The following NAALADL2 variants were observed in gnomAD, a reference collection of about 807,000 sequenced individuals.
NAALADL2 encodes the protein N-acetylated alpha-linked acidic dipeptidase like 2.
In NAALADL2, 76 loss-of-function variants were observed where a neutral mutation model predicts 87.2. The ratio of observed to expected loss-of-function variants is 0.87; its 90% CI spans 0.72 to 1.05. The LOEUF (loss-of-function observed/expected upper bound fraction) is 1.05, where lower values mean the gene tolerates loss of function less well. Ranked by LOEUF, NAALADL2 falls within the 50% of genes least tolerant of loss-of-function variation. NAALADL2 has a pLI of 0.00. For missense variants in NAALADL2, 1,089 were observed against 945.8 expected, an observed-to-expected ratio of 1.15 and a Z score of -1.99; for synonymous variants, 354 against 331.0, an observed-to-expected ratio of 1.07 and a Z score of -0.75.
intron 2 of NAALADL2, among the ~76,000 whole-genome samples, chr3:174,602,784 T>A (rs1718588587): frequency 6.6e-6 from 1 of 152,082 alleles, no homozygotes; most frequent in Admixed American, 6.6e-5. Context: ...GCTTTTCTTA[T>A]GTTGAAGTGT....
At chr3:174,937,163 C>CAGTCTCACCAGGGATTAGT (rs1267304629) in intron 1 of NAALADL2, among the ~76,000 whole-genome samples, 4 of 151,994 alleles carry the variant, frequency 2.6e-5, no homozygotes, top group Admixed American at 6.6e-5. Flanking sequence ...ATGTCTGTAC[C>CAGTCTCACCAGGGATTAGT]AGTCTCACCA....
rs201555779 is a variant in NAALADL2, at chr3:175,591,025, A to AT, written c.1800+14838_1800+14839insT. 5.7e-5 allele frequency among the ~76,000 whole-genome samples: 3 copies of AT among 52,608 alleles called. No homozygotes were observed. In the South Asian group the frequency reaches 3.0e-3, roughly 53 times the overall value. 34.5% of individuals were successfully genotyped at this position (52,608 alleles called of 152,430 possible). On this transcript the variant is annotated intron_variant, in intron 10 of 13. Coordinates refer to ENST00000454872, the MANE Select transcript of NAALADL2 (RefSeq NM_207015.3). ...TTGTGCTGTTACTACACTATGATTA[A>AT]CCTGTAAGGCAAGAGAAAAATAGAC...
At chr3:174,690,142 G>A (rs1728427738) in intron 2 of NAALADL2, among the ~76,000 whole-genome samples, 1 of 152,140 alleles carries the variant, frequency 6.6e-6, no homozygotes, top group Admixed American at 6.5e-5. Context: ...ATATCAAGAT[G>A]TGATTTCATT....
At chr3:174,846,852 T>C (rs1194513836) in intron 3 of NAALADL2, among the ~76,000 whole-genome samples, 1 of 152,066 alleles carries the variant, frequency 6.6e-6, no homozygotes, top group Non-Finnish European at 1.5e-5. Flanking sequence ...ATTGCTATGT[T>C]TTAGGAAGAC....
Position 175,409,013 on chromosome 3 carries a change from A to T in NAALADL2, c.1091-38216A>T, listed in dbSNP as rs1581765038. Among the ~76,000 whole-genome samples, 2 of 151,918 alleles carry T rather than the reference A, an allele frequency of 1.3e-5. 1 individual carries two copies. Among genetic ancestry groups the T allele is most frequent in the South Asian group, 4.1e-4 (2 of 4,824 alleles). On this transcript the variant is annotated intron_variant, in intron 5 of 13. Coordinates refer to ENST00000454872, the MANE Select transcript of NAALADL2 (RefSeq NM_207015.3). ...TACCCACATATCTTTGTCCAACTCAACTTAATTTTCCATCTAGTTTATATT... is the reference window on the plus strand; with the variant it reads ...TACCCACATATCTTTGTCCAACTCATCTTAATTTTCCATCTAGTTTATATT...
chr3:175,774,213 G>T (rs1479860476), intron 13 of NAALADL2, among the ~76,000 whole-genome samples: 1 of 151,990 alleles, frequency 6.6e-6, no homozygotes, highest in Non-Finnish European at 1.5e-5. Context: ...ACATCTTCAA[G>T]TTCTTTTAAC....
intron 13 of NAALADL2, among the ~76,000 whole-genome samples, chr3:175,776,549 A>T (rs1750272611): frequency 6.6e-6 from 1 of 152,090 alleles, no homozygotes; most frequent in Non-Finnish European, 1.5e-5. Flanking sequence ...TCAACTGCTT[A>T]ATTTTATTTT....
rs2150237522 is a variant in NAALADL2 at position 175,786,548 on chromosome 3, C to T, written c.2190-16457C>T. Among the ~76,000 whole-genome samples the T allele has an allele frequency of 2.6e-5, 4 of 152,242 alleles. No homozygotes were observed. The East Asian group carries it at 7.7e-4, about 29-fold the overall frequency. Reference sequence around the variant, plus strand: ...GTTCTCGAGCCTTGGTTTTCAGCTCCATCAGCTCCTTTAAGCACTTCTCTG... The same window carrying T: ...GTTCTCGAGCCTTGGTTTTCAGCTCTATCAGCTCCTTTAAGCACTTCTCTG... On this transcript the variant is annotated intron_variant, in intron 13 of 13. Coordinates refer to ENST00000454872, the MANE Select transcript of NAALADL2 (RefSeq NM_207015.3).
chr3:174,957,835 A>G (rs746674783), intron 1 of NAALADL2, among the ~76,000 whole-genome samples: 42 of 152,014 alleles, frequency 2.8e-4, no homozygotes, highest in Non-Finnish European at 5.4e-4. Context: ...AAATTAGATC[A>G]GAGGGGAAGG....
At chr3:175,058,649 C>A (rs1426004999) in intron 1 of NAALADL2, among the ~76,000 whole-genome samples, 1 of 152,148 alleles carries the variant, frequency 6.6e-6, no homozygotes. Context: ...CACATGCAGA[C>A]ACTCTGTGTC....
chr3:175,113,086 TG>T (rs776222240), intron 2 of NAALADL2, among the ~76,000 whole-genome samples: 3 of 151,628 alleles, frequency 2.0e-5, no homozygotes, highest in Non-Finnish European at 4.4e-5. Flanking sequence ...GATAATTTCA[TG>T]GAAAGTTTTG....
At chr3:174,713,063 T>C (rs554356626) in intron 2 of NAALADL2, among the ~76,000 whole-genome samples, 28 of 152,248 alleles carry the variant, frequency 1.8e-4, no homozygotes, top group African/African-American at 4.3e-4. Flanking sequence ...GTTTGGTTTT[T>C]TGTCCTTGCA....
chr3:175,085,872 C>A (rs529358884), intron 1 of NAALADL2, among the ~76,000 whole-genome samples: 1 of 152,110 alleles, frequency 6.6e-6, no homozygotes, highest in African/African-American at 2.4e-5. Context: ...AAGCAGAGAT[C>A]GTGCCACTGC....
intron 2 of NAALADL2, among the ~76,000 whole-genome samples, chr3:174,721,742 G>T (rs1731731391): frequency 6.6e-6 from 1 of 152,126 alleles, no homozygotes; most frequent in Non-Finnish European, 1.5e-5. Flanking sequence ...CAGATTAGTT[G>T]TGCTGGTTCT....
chr3:174,575,488 A>G (rs571449181), intron 2 of NAALADL2, among the ~76,000 whole-genome samples: 20 of 152,220 alleles, frequency 1.3e-4, no homozygotes, highest in Non-Finnish European at 2.9e-4. Flanking sequence ...GTTATCAATG[A>G]TGATAATTAT....
chr3:175,334,278 A>G (rs918560212), intron 5 of NAALADL2, among the ~76,000 whole-genome samples: 1 of 152,212 alleles, frequency 6.6e-6, no homozygotes, highest in African/African-American at 2.4e-5. Context: ...AGACAGACAG[A>G]CAGATAGTAG....
chr3:175,013,857 A>T (rs1750480647), intron 1 of NAALADL2, among the ~76,000 whole-genome samples: 1 of 151,922 alleles, frequency 6.6e-6, no homozygotes, highest in Non-Finnish European at 1.5e-5. Flanking sequence ...TTAAGTTTTG[A>T]TTGGTCCTCA....
At chr3:175,066,876 C>G (rs1230307397) in intron 1 of NAALADL2, among the ~76,000 whole-genome samples, 2 of 152,086 alleles carry the variant, frequency 1.3e-5, no homozygotes, top group Non-Finnish European at 2.9e-5. Flanking sequence ...TTTCCTGATA[C>G]CCATGTTGTC....
intron 5 of NAALADL2, among the ~76,000 whole-genome samples, chr3:175,410,489 T>TTGGTTGGTG: frequency 6.6e-6 from 1 of 152,096 alleles, no homozygotes; most frequent in Non-Finnish European, 1.5e-5. Context: ...ACTGATTTAT[T>TTGGTTGGTG]CCACAGATGT....
Sources: gnomAD v4.1 joint callset for allele counts (sites outside exome capture counted in the v4.1 genomes callset) on GRCh38, gnomAD v4.1.1 for gene constraint, MANE v1.5 for transcripts, NCBI Gene and HGNC (gene_info 2026-07-23, HGNC 2026-07-21) for gene names.